ANKRD33B: variants seen among roughly 807,000 people sequenced by gnomAD.
ANKRD33B encodes the protein ankyrin repeat domain 33B.
Under a neutral mutation model 21.5 loss-of-function variants are expected in ANKRD33B, and 6 were observed. That is an observed-to-expected ratio of 0.28 (90% CI 0.15 to 0.55). The LOEUF is 0.55. Among genes scored for constraint, ANKRD33B ranks in the 20% least tolerant of loss-of-function variants. ANKRD33B has a pLI of 0.94. For synonymous variants in ANKRD33B, 347 were observed against 342.4 expected (o/e 1.01, Z -0.15); for missense variants, 698 against 747.2 (o/e 0.93, Z 0.77).
chr5:10,591,195 G>GTTTTTTTTT (rs112409223), intron 1 of ANKRD33B, among the ~76,000 whole-genome samples: 2 of 132,072 alleles, frequency 1.5e-5, no homozygotes, highest in Non-Finnish European at 3.1e-5. Context: ...TTTTTTAGTG[G>GTTTTTTTTT]TTTTTTTTTT....
chr5:10,642,719 T>G (rs1737089653), intron 3 of ANKRD33B, among the ~76,000 whole-genome samples: 1 of 152,194 alleles, frequency 6.6e-6, no homozygotes, highest in South Asian at 2.1e-4. Flanking sequence ...GTTATTATTA[T>G]GATTATTGGT....
Position 10,642,591 on chromosome 5 carries a change from C to T in ANKRD33B, c.637+4423C>T, listed in dbSNP as rs376777857. Among the ~76,000 whole-genome samples, 22 of 152,296 alleles carry T rather than the reference C, an allele frequency of 1.4e-4. No homozygotes were observed. The East Asian group carries it at 4.2e-3, about 29-fold the overall frequency. ...CAGTTTCCTCTTCTATAAAATGAGG[C>T]TAATGATAGCACCCACCGCAGGAAG... On this transcript the variant is annotated intron_variant, in intron 3 of 3. Transcript: ENST00000296657.
At chr5:10,647,652 A>G (rs1193570623) in intron 3 of ANKRD33B, among the ~76,000 whole-genome samples, 1 of 152,212 alleles carries the variant, frequency 6.6e-6, no homozygotes, top group Non-Finnish European at 1.5e-5. Context: ...GTGGATATCA[A>G]GAGATTTATT....
intron 1 of ANKRD33B, among the ~76,000 whole-genome samples, chr5:10,604,509 T>G (rs926296241): frequency 3.0e-4 from 43 of 143,488 alleles, no homozygotes; most frequent in African/African-American, 1.1e-3. Flanking sequence ...AGAACCTTTT[T>G]GAAAAAAAAA....
At chr5:10,602,649 A>C (rs1735957729) in intron 1 of ANKRD33B, among the ~76,000 whole-genome samples, 2 of 152,224 alleles carry the variant, frequency 1.3e-5, no homozygotes, top group Admixed American at 1.3e-4. Flanking sequence ...GCTTTGGCAG[A>C]GTAGGTAAAA....
intron 3 of ANKRD33B, among the ~76,000 whole-genome samples, chr5:10,640,207 G>A (rs1579755670): frequency 6.6e-6 from 1 of 152,182 alleles, no homozygotes; most frequent in East Asian, 1.9e-4. Flanking sequence ...GTATTGCATG[G>A]TGATGTGTGT....
chr5:10,611,794 A>G (rs1006146000), intron 1 of ANKRD33B, among the ~76,000 whole-genome samples: 18 of 152,322 alleles, frequency 1.2e-4, no homozygotes, highest in African/African-American at 4.3e-4. Flanking sequence ...ATTGCAGACA[A>G]ACCTGAACTC....
chr5:10,604,406 T>G (rs987207674), intron 1 of ANKRD33B, among the ~76,000 whole-genome samples: 1 of 149,314 alleles, frequency 6.7e-6, no homozygotes. Context: ...TCGACCAGGC[T>G]GGTCTCGATC....
intron 1 of ANKRD33B, among the ~76,000 whole-genome samples, chr5:10,585,541 G>T (rs181032895): frequency 3.2e-4 from 48 of 152,304 alleles, no homozygotes; most frequent in African/African-American, 1.2e-3. Context: ...GAAAAGAAAC[G>T]CACTGAGAAA....
intron 1 of ANKRD33B, 65 bp from the exon 2 acceptor site, chr5:10,618,268 C>G (rs1215537226): frequency 6.5e-7 from 1 of 1,532,540 alleles, no homozygotes; most frequent in Non-Finnish European, 8.7e-7. Flanking sequence ...CCCTCGGGGT[C>G]CCCAGTGCTG....
chr5:10,589,259 C>A (rs1206569345), intron 1 of ANKRD33B, among the ~76,000 whole-genome samples: 1 of 152,130 alleles, frequency 6.6e-6, no homozygotes, highest in East Asian at 1.9e-4. Context: ...AGGAGCAGGT[C>A]CTGGATGGCT....
At chr5:10,569,082 G>T (rs1191284431) in intron 1 of ANKRD33B, among the ~76,000 whole-genome samples, 1 of 152,070 alleles carries the variant, frequency 6.6e-6, no homozygotes. Context: ...AGATTTATAA[G>T]CTCCAGAATC....
At chr5:10,624,384 C>T (rs1412543215) in intron 2 of ANKRD33B, among the ~76,000 whole-genome samples, 3 of 152,154 alleles carry the variant, frequency 2.0e-5, no homozygotes, top group Non-Finnish European at 2.9e-5. Flanking sequence ...CCCACCTTGG[C>T]CTCCCAAAGT....
At chr5:10,603,963 C>T (rs1390510630) in intron 1 of ANKRD33B, among the ~76,000 whole-genome samples, 3 of 149,664 alleles carry the variant, frequency 2.0e-5, no homozygotes, top group South Asian at 2.1e-4. Context: ...GGTGCAATCT[C>T]GGCTCACTAT....
chr5:10,565,765 C>T (rs13158065), intron 1 of ANKRD33B, among the ~76,000 whole-genome samples: 23,026 of 152,242 alleles, frequency 0.15, 1,946 homozygotes, highest in Non-Finnish European at 0.19. Context: ...CCAAGTTCCC[C>T]GTAGTCTGTG....
At chr5:10,631,307 A>G (rs1235621567) in intron 2 of ANKRD33B, among the ~76,000 whole-genome samples, 1 of 152,138 alleles carries the variant, frequency 6.6e-6, no homozygotes, top group African/African-American at 2.4e-5. Context: ...TCTGCAAGGA[A>G]TGAGAGGTTG....
chr5:10,624,359 A>C (rs1736494902), intron 2 of ANKRD33B, among the ~76,000 whole-genome samples: 2 of 151,662 alleles, frequency 1.3e-5, no homozygotes, highest in Non-Finnish European at 2.9e-5. Context: ...TGAACTCCTG[A>C]CCTCAAGTGA....
intron 1 of ANKRD33B, among the ~76,000 whole-genome samples, chr5:10,573,502 T>C (rs114668777): frequency 6.6e-6 from 1 of 152,220 alleles, no homozygotes; most frequent in African/African-American, 2.4e-5. Context: ...TCCAATTCTT[T>C]TATGGACATA....
intron 2 of ANKRD33B, among the ~76,000 whole-genome samples, chr5:10,632,106 C>T (rs1202541680): frequency 1.3e-5 from 2 of 151,752 alleles, no homozygotes; most frequent in African/African-American, 4.8e-5. Context: ...CTGGGGTCCC[C>T]TTGGGCAGGA....
Sources: allele counts gnomAD v4.1 joint callset (sites outside exome capture counted in the v4.1 genomes callset), GRCh38; gene constraint gnomAD v4.1.1; transcripts MANE v1.5; gene names NCBI Gene and HGNC (gene_info 2026-07-23, HGNC 2026-07-21).